ANKRD17: variants seen among roughly 807,000 people sequenced by gnomAD.
ANKRD17 encodes the protein ankyrin repeat domain-containing protein 17.
ANKRD17 carries 19 observed loss-of-function variants against 229.7 expected under a neutral mutation model. That is an observed-to-expected ratio of 0.08 (90% confidence interval 0.06 to 0.12). The LOEUF (loss-of-function observed/expected upper bound fraction) is 0.12, where lower values mean the gene tolerates loss of function less well. Ranked by LOEUF, ANKRD17 falls within the 10% of genes least tolerant of loss-of-function variation. The pLI, the probability that ANKRD17 is intolerant of heterozygous loss-of-function variation, is 1.00. For missense variants in ANKRD17, 2,176 were observed against 3,176.8 expected (o/e 0.68, Z 7.57); for synonymous variants, 1,112 against 1,146.1 (o/e 0.97, Z 0.60).
chr4:73,147,113 A>G (rs1366047596), intron 9 of ANKRD17, 128 bp downstream of exon 9: 2 of 890,076 alleles, frequency 2.2e-6, no homozygotes, highest in Non-Finnish European at 3.3e-6. Context: ...ATACATACAA[A>G]GGTATATCAC....
intron 24 of ANKRD17, among the ~76,000 whole-genome samples, chr4:73,112,342 C>G (rs909021553): frequency 2.6e-5 from 4 of 152,236 alleles, no homozygotes; most frequent in Admixed American, 2.0e-4. Context: ...TATATTCTAT[C>G]ACACAAACTG....
chr4:73,124,981 T>C lies in ANKRD17; in HGVS notation c.3424A>G (p.Ile1142Val), dbSNP rs1263357711. ...VEILLDNGADIEAQSERTKDT... is the reference protein window; with the variant it reads ...VEILLDNGADVEAQSERTKDT... ...TTGGTTCTTTCAGACTGGGCTTCAA[T>C]GTCTGCACCATTGTCCAGCAATATT... is the stretch of plus-strand genomic sequence containing the variant. The change falls in exon 18 of 34, where the codon ATT becomes GTT. Residue 1142 changes from isoleucine (I) to valine (V), a missense_variant. This residue lies in a region of ANKRD17 where 178 missense variants were observed against 421.7 expected (regional missense o/e 0.42). Transcript: ENST00000358602. 4 of 1,614,072 alleles carry C rather than the reference T, an allele frequency of 2.5e-6. No homozygotes were observed. Among genetic ancestry groups the C allele is most frequent in the Admixed American group, 1.7e-5 (1 of 60,002 alleles).
At chr4:73,235,147 A>C (rs1402670614) in intron 1 of ANKRD17, among the ~76,000 whole-genome samples, 1 of 152,170 alleles carries the variant, frequency 6.6e-6, no homozygotes, top group African/African-American at 2.4e-5. Context: ...TTTTGCTAAC[A>C]ACATCATCCC....
At chr4:73,247,982 A>G (rs1300635135) in intron 1 of ANKRD17, among the ~76,000 whole-genome samples, 4 of 152,074 alleles carry the variant, frequency 2.6e-5, no homozygotes, top group Non-Finnish European at 5.9e-5. Flanking sequence ...AAATAGGTAT[A>G]AATTAATGAA....
Position 73,085,392 on chromosome 4 carries a change from A to G in ANKRD17, c.7016T>C (p.Leu2339Ser). The G allele has an allele frequency of 3.1e-6, 5 of 1,614,164 alleles. No homozygotes were observed. Among genetic ancestry groups the G allele is most frequent in the Non-Finnish European group, 4.2e-6 (5 of 1,180,040 alleles). Residue 2339 changes from leucine (L) to serine (S), a missense_variant, in exon 30 of 34, where the codon TTG (leucine) becomes TCG (serine). Coordinates refer to ENST00000358602, the MANE Select transcript of ANKRD17 (RefSeq NM_032217.5). ...YGSVTPSSTH[L>S]GNFASNISGG... ...TGAAATGTTTGAAGCAAAGTTTCCC[A>G]AATGTGTTGAAGAAGGTGTTACAGA...
Position 73,125,003 on chromosome 4 carries a change from T to C in ANKRD17, c.3402A>G (p.Ile1134Met). The change falls in exon 18 of 34, where the codon ATA (isoleucine) becomes ATG (methionine). Residue 1134 changes from isoleucine to methionine, a missense_variant. Around this residue, in one of 18 missense-constraint regions of ANKRD17, gnomAD observed 178 missense variants for 421.7 expected, o/e 0.42. Transcript: ENST00000358602. ...CAATGTCTGCACCATTGTCCAGCAA[T>C]ATTTCCACAACACCAACATGACCAG... is the stretch of plus-strand genomic sequence containing the variant. ...ATAGHVGVVE[I>M]LLDNGADIEA... The C allele has an allele frequency of 1.2e-6, 2 of 1,614,166 alleles. No individual in the cohort carries two copies. Among genetic ancestry groups the C allele is most frequent in the Non-Finnish European group, 8.5e-7 (1 of 1,180,026 alleles).
chr4:73,209,077 G>A (rs945504764), intron 1 of ANKRD17, among the ~76,000 whole-genome samples: 29 of 152,108 alleles, frequency 1.9e-4, no homozygotes, highest in African/African-American at 5.1e-4. Context: ...ATGGTGGTGC[G>A]TGCCTATAAT....
intron 16 of ANKRD17, among the ~76,000 whole-genome samples, chr4:73,128,458 G>GA (rs764942200): frequency 2.0e-5 from 3 of 152,176 alleles, no homozygotes; most frequent in Non-Finnish European, 2.9e-5. Flanking sequence ...AGCTTAAATA[G>GA]AAAATGAAGA....
chr4:73,246,164 G>T (rs1353600196), intron 1 of ANKRD17, among the ~76,000 whole-genome samples: 1 of 152,192 alleles, frequency 6.6e-6, no homozygotes, highest in East Asian at 1.9e-4. Flanking sequence ...AGGAAAATCA[G>T]TATAACCAAG....
At chr4:73,258,158 G>C in intron 1 of ANKRD17, 118 bp downstream of exon 1, 1 of 1,519,390 alleles carries the variant, frequency 6.6e-7, no homozygotes, top group Non-Finnish European at 8.8e-7. Flanking sequence ...GCAGTCGAAA[G>C]CCTGGCCCCT....
intron 1 of ANKRD17, among the ~76,000 whole-genome samples, chr4:73,181,371 A>G (rs1735519468): frequency 6.6e-6 from 1 of 152,182 alleles, no homozygotes; most frequent in Admixed American, 6.5e-5. Context: ...CAGGATAGAA[A>G]GTGCATAAGG....
At chr4:73,256,630 A>C (rs1408805759) in intron 1 of ANKRD17, among the ~76,000 whole-genome samples, 2 of 152,206 alleles carry the variant, frequency 1.3e-5, no homozygotes, top group Non-Finnish European at 2.9e-5. Context: ...AAAGGGCTGA[A>C]TTACCTGTAA....
chr4:73,121,828 ATTTC>A, intron 18 of ANKRD17, 69 bp from the exon 19 acceptor site: 1 of 1,471,738 alleles, frequency 6.8e-7, no homozygotes, highest in Non-Finnish European at 9.1e-7. Context: ...GTATTTTTAA[ATTTC>A]TTTTTCTGGT....
At position 73,231,812 on chromosome 4, in the gene ANKRD17, C is replaced by T. The variant is rs997157940; in HGVS notation, c.393+26464G>A. On this transcript the variant is annotated intron_variant, in intron 1 of 33. Coordinates refer to ENST00000358602, the MANE Select transcript of ANKRD17 (RefSeq NM_032217.5). ...AAAAAGGGGAGAATAAAAGTGAAAT[C>T]GATCCCCAACGGCTGATAGTTTAAT... 7.2e-5 allele frequency among the ~76,000 whole-genome samples: 11 copies of T among 152,116 alleles called. No individual in the cohort carries two copies. In the South Asian group the frequency reaches 1.4e-3, roughly 20 times the overall value.
chr4:73,116,321 T>A (rs1341625101), intron 22 of ANKRD17, among the ~76,000 whole-genome samples: 1 of 152,182 alleles, frequency 6.6e-6, no homozygotes, highest in African/African-American at 2.4e-5. Flanking sequence ...ATTTTGTTTT[T>A]TCATTCCTTC....
rs774044375 is a variant in ANKRD17 at position 73,135,242 on chromosome 4, T to TTGCAGATGCTCTTCCACTGAC, written c.3088_3108dup (p.Val1030_Ala1036dup). 2 of 1,613,102 alleles carry TTGCAGATGCTCTTCCACTGAC rather than the reference T, an allele frequency of 1.2e-6. No individual in the cohort carries two copies. The highest frequency in any genetic ancestry group is 1.7e-6 in the Non-Finnish European group (2 of 1,179,414). ...ATACTGTGGGTAGGAGTGTTTGACA[T>TTGCAGATGCTCTTCCACTGAC]TGCAGATGCTCTTCCACTGACTGCT... On this transcript the variant is annotated inframe_insertion, in exon 16 of 34. Coordinates refer to ENST00000358602, the MANE Select transcript of ANKRD17 (RefSeq NM_032217.5).
intron 30 of ANKRD17, among the ~76,000 whole-genome samples, chr4:73,081,346 C>T (rs947216750): frequency 6.6e-6 from 1 of 151,870 alleles, no homozygotes; most frequent in African/African-American, 2.4e-5. Flanking sequence ...AGTGAGAGAC[C>T]ACAAATCCTC....
In ANKRD17 at chr4:73,182,051, C is replaced by CAAAAAAAAAAAAAAAAAAAAA. The variant is rs143812968; in HGVS notation, c.394-4539_394-4519dup. Among the ~76,000 whole-genome samples, 2 of 43,244 alleles carry CAAAAAAAAAAAAAAAAAAAAA rather than the reference C, an allele frequency of 4.6e-5. 1 individual carries two copies. Among genetic ancestry groups the CAAAAAAAAAAAAAAAAAAAAA allele is most frequent in the Non-Finnish European group, 7.3e-5 (2 of 27,448 alleles). 28.4% of individuals were successfully genotyped at this position (43,244 alleles called of 152,430 possible). ...CGACAGAGCAAGACTCCGTCCCCACCAAAAAAAAAAAAAAAAAAAAAAAAA... is the reference window on the plus strand; with the variant it reads ...CGACAGAGCAAGACTCCGTCCCCACCAAAAAAAAAAAAAAAAAAAAAAAAAAAAAAAAAAAAAAAAAAAAAA... On this transcript the variant is annotated intron_variant, in intron 1 of 33. Coordinates refer to ENST00000358602, the MANE Select transcript of ANKRD17 (RefSeq NM_032217.5).
chr4:73,176,302 A>T (rs1734727731), intron 2 of ANKRD17, among the ~76,000 whole-genome samples: 1 of 152,208 alleles, frequency 6.6e-6, no homozygotes, highest in African/African-American at 2.4e-5. Context: ...AGGCAATGAC[A>T]AATGCTGGAG....
Sources: gnomAD v4.1 joint callset for allele counts (sites outside exome capture counted in the v4.1 genomes callset) on GRCh38, gnomAD v4.1.1 for gene constraint, gnomAD v4.1.1 regional missense constraint, MANE v1.5 for transcripts, NCBI Gene and HGNC (gene_info 2026-07-23, HGNC 2026-07-21) for gene names.